DRC11: variants seen among roughly 807,000 people sequenced by gnomAD.
The protein encoded by DRC11 is IQ and AAA domain-containing protein 1.
At chr2:236,498,414 G>A in the DRC11 span, among the ~76,000 whole-genome samples, 6 of 151,014 alleles carry the variant, frequency 4.0e-5, no homozygotes, top group Non-Finnish European at 8.8e-5. Context: ...GCAGTGACCC[G>A]AAATCATGCC....
chr2:236,379,200 C>T, the DRC11 span, among the ~76,000 whole-genome samples: 2 of 152,176 alleles, frequency 1.3e-5, no homozygotes, highest in African/African-American at 4.8e-5. Context: ...TGCTGGGACA[C>T]AGGGAGAAGC....
the DRC11 span, among the ~76,000 whole-genome samples, chr2:236,491,736 AC>A: frequency 1.2e-4 from 19 of 152,122 alleles, no homozygotes; most frequent in African/African-American, 4.6e-4. Flanking sequence ...TGGCTAGTTG[AC>A]CCCCAAGTAA....
At chr2:236,308,739 T>C in the DRC11 span, among the ~76,000 whole-genome samples, 2 of 152,238 alleles carry the variant, frequency 1.3e-5, no homozygotes. This position sits in a 1 kb window ranked among gnomAD's most constrained non-coding sequence, Gnocchi z 6.0. Context: ...CACATTCTTT[T>C]AATCCATCCC....
At chr2:236,467,591 C>T in the DRC11 span, among the ~76,000 whole-genome samples, 2 of 152,114 alleles carry the variant, frequency 1.3e-5, no homozygotes, top group Admixed American at 6.6e-5. Context: ...CACTGTTGTG[C>T]TTCTGGTCAT....
At chr2:236,494,651 T>C in the DRC11 span, among the ~76,000 whole-genome samples, 1 of 151,582 alleles carries the variant, frequency 6.6e-6, no homozygotes, top group South Asian at 2.1e-4. The surrounding 1 kb of genome is among the most constrained non-coding windows in gnomAD (Gnocchi z 4.2). Flanking sequence ...GGCTACCTTA[T>C]TTTTTTTTCC....
At chr2:236,480,084 G>A in the DRC11 span, among the ~76,000 whole-genome samples, 2 of 144,456 alleles carry the variant, frequency 1.4e-5, no homozygotes, top group African/African-American at 5.2e-5. Flanking sequence ...CTCCTGGCCT[G>A]TATGGTTTCC....
the DRC11 span, among the ~76,000 whole-genome samples, chr2:236,341,042 C>T: frequency 4.6e-5 from 7 of 152,322 alleles, no homozygotes; most frequent in African/African-American, 7.2e-5. Context: ...GCCCCTACCG[C>T]GGGGCCTGCC....
the DRC11 span, chr2:236,391,947 AC>A: frequency 6.3e-7 from 1 of 1,585,244 alleles, no homozygotes; most frequent in Non-Finnish European, 8.7e-7. This position sits in a 1 kb window ranked among gnomAD's most constrained non-coding sequence, Gnocchi z 4.5. Context: ...GCTCCACCGC[AC>A]CCCTCTGCAG....
At chr2:236,416,769 A>ATAT in the DRC11 span, among the ~76,000 whole-genome samples, 1 of 91,560 alleles carries the variant, frequency 1.1e-5, no homozygotes, top group Non-Finnish European at 2.2e-5. Flanking sequence ...ATATATATAT[A>ATAT]AATAATTTTG....
chr2:236,365,490 G>T, the DRC11 span, among the ~76,000 whole-genome samples: 1 of 152,114 alleles, frequency 6.6e-6, no homozygotes, highest in Non-Finnish European at 1.5e-5. The surrounding 1 kb of genome is among the most constrained non-coding windows in gnomAD (Gnocchi z 7.4). Flanking sequence ...GCCCTGAAAG[G>T]TGGTCGGGGA....
the DRC11 span, chr2:236,324,280 C>G: frequency 1.4e-5 from 3 of 207,258 alleles, no homozygotes; most frequent in Non-Finnish European, 2.9e-5. This position sits in a 1 kb window ranked among gnomAD's most constrained non-coding sequence, Gnocchi z 5.7. Context: ...TGATGATATA[C>G]TCATTGCTTA....
At chr2:236,459,614 TAA>T in the DRC11 span, among the ~76,000 whole-genome samples, 1 of 120,118 alleles carries the variant, frequency 8.3e-6, no homozygotes, top group African/African-American at 3.2e-5. Flanking sequence ...TATACGTATA[TAA>T]GTATATACAT....
the DRC11 span, among the ~76,000 whole-genome samples, chr2:236,406,187 A>G: frequency 6.6e-6 from 1 of 152,386 alleles, no homozygotes; most frequent in East Asian, 1.9e-4. The surrounding 1 kb of genome is among the most constrained non-coding windows in gnomAD (Gnocchi z 4.7). Context: ...AAATGTTTCC[A>G]GAAGAGGCTT....
the DRC11 span, among the ~76,000 whole-genome samples, chr2:236,342,724 G>GA: frequency 1.3e-5 from 2 of 152,152 alleles, no homozygotes; most frequent in Non-Finnish European, 2.9e-5. This position sits in a 1 kb window ranked among gnomAD's most constrained non-coding sequence, Gnocchi z 5.8. Context: ...GGAAATACTG[G>GA]GGGTGGGAGG....
the DRC11 span, among the ~76,000 whole-genome samples, chr2:236,312,690 T>C: frequency 6.6e-5 from 10 of 151,450 alleles, no homozygotes; most frequent in South Asian, 1.5e-3. Context: ...AAAGAAATGA[T>C]AGAGATAAGA....
the DRC11 span, among the ~76,000 whole-genome samples, chr2:236,456,280 T>C: frequency 3.1e-3 from 477 of 152,268 alleles, 3 homozygotes; most frequent in African/African-American, 0.011. This position sits in a 1 kb window ranked among gnomAD's most constrained non-coding sequence, Gnocchi z 5.4. Context: ...CTACCTCATT[T>C]TTAAGATGAG....
At chr2:236,491,136 TATACAGTATATATATACAC>T in the DRC11 span, among the ~76,000 whole-genome samples, 13 of 106,018 alleles carry the variant, frequency 1.2e-4, 1 homozygote, top group East Asian at 1.2e-3. Context: ...TATATATATA[TATACAGTATATATATACAC>T]ACAGTATATA....
At chr2:236,474,663 T>C in the DRC11 span, among the ~76,000 whole-genome samples, 4 of 152,156 alleles carry the variant, frequency 2.6e-5, no homozygotes, top group Non-Finnish European at 5.9e-5. Flanking sequence ...TATCATTACA[T>C]TCTATATCCA....
At chr2:236,316,176 T>TCTCTCTCTCTCTCTCTCTCTCTCTC in the DRC11 span, among the ~76,000 whole-genome samples, 1 of 151,000 alleles carries the variant, frequency 6.6e-6, no homozygotes, top group African/African-American at 2.5e-5. The surrounding 1 kb of genome is among the most constrained non-coding windows in gnomAD (Gnocchi z 6.8). Context: ...TCTCTCTCTC[T>TCTCTCTCTCTCTCTCTCTCTCTCTC]TTTTGAGATG....
Sources: allele counts gnomAD v4.1 joint callset (sites outside exome capture counted in the v4.1 genomes callset), GRCh38; gene constraint gnomAD v4.1.1; non-coding constraint Gnocchi (gnomAD v3.1); transcripts MANE v1.5; gene names NCBI Gene and HGNC (gene_info 2026-07-23, HGNC 2026-07-21).